WWOX: variants seen among roughly 807,000 people sequenced by gnomAD.
The protein encoded by WWOX is WW domain containing oxidoreductase, also known as WW domain-containing oxidoreductase.
A neutral mutation model predicts 46.2 loss-of-function variants in WWOX; 69 were observed. That is an observed-to-expected ratio of 1.49 (90% CI 1.23 to 1.82). The LOEUF (loss-of-function observed/expected upper bound fraction) is 1.82. Among genes scored for constraint, WWOX ranks in the 40% most tolerant of loss-of-function variants. WWOX has a pLI of 0.00. For synonymous variants in WWOX, 359 were observed against 202.6 expected (o/e 1.77, Z -6.56); for missense variants, 919 against 542.6 (o/e 1.69, Z -6.89).
intron 8 of WWOX, among the ~76,000 whole-genome samples, chr16:79,045,780 C>CTTTTTTTTTTTTTTTT (rs770463813): frequency 3.7e-5 from 2 of 54,232 alleles, no homozygotes; most frequent in African/African-American, 1.1e-4. Flanking sequence ...TTTTCTTTTC[C>CTTTTTTTTTTTTTTTT]TTTTTTTTTT....
chr16:78,923,063 C>A (rs2045416491), intron 8 of WWOX, among the ~76,000 whole-genome samples: 1 of 151,028 alleles, frequency 6.6e-6, no homozygotes, highest in Admixed American at 6.6e-5. Context: ...TCCACCTCAA[C>A]CTCTGCCTCT....
rs1177773069 is a variant in WWOX at position 78,487,572 on chromosome 16, G to A, written c.1056+54820G>A. On this transcript the variant is annotated intron_variant, in intron 8 of 8. Transcript: ENST00000566780. ...GCTTCCTCTGGTTCAGGGTGTTGAG[G>A]CTTCGTGCTGTTAATATTGGAAGGT... is the stretch of plus-strand genomic sequence containing the variant. 2.6e-5 allele frequency among the ~76,000 whole-genome samples: 4 copies of A among 152,114 alleles called. No individual in the cohort carries two copies. In the East Asian group the frequency reaches 5.8e-4, roughly 22 times the overall value.
At chr16:79,046,392 C>T (rs754895908) in intron 8 of WWOX, among the ~76,000 whole-genome samples, 4 of 152,152 alleles carry the variant, frequency 2.6e-5, no homozygotes, top group African/African-American at 4.8e-5. Flanking sequence ...GTTCAGGCTG[C>T]TGTGACAAAA....
At chr16:78,649,049 C>T (rs1217264404) in intron 8 of WWOX, among the ~76,000 whole-genome samples, 4 of 152,150 alleles carry the variant, frequency 2.6e-5, no homozygotes, top group African/African-American at 9.7e-5. Context: ...TCTTGGCTCA[C>T]TGCAAACTCC....
chr16:78,319,880 TG>T (rs1385550273), intron 5 of WWOX, among the ~76,000 whole-genome samples: 2 of 152,176 alleles, frequency 1.3e-5, no homozygotes, highest in Non-Finnish European at 2.9e-5. Flanking sequence ...CTTTTCTGCC[TG>T]GGAGGCACTT....
chr16:78,822,517 A>T (rs950401452), intron 8 of WWOX, among the ~76,000 whole-genome samples: 4 of 152,102 alleles, frequency 2.6e-5, no homozygotes, highest in African/African-American at 9.7e-5. Context: ...AAACAAAAAC[A>T]AACAAAAATC....
At chr16:78,377,402 T>C (rs2081855305) in intron 5 of WWOX, among the ~76,000 whole-genome samples, 1 of 152,210 alleles carries the variant, frequency 6.6e-6, no homozygotes, top group East Asian at 1.9e-4. Flanking sequence ...ATAATAAATA[T>C]TATGACAGAG....
chr16:78,285,321 C>T (rs1350012565), intron 5 of WWOX, among the ~76,000 whole-genome samples: 1 of 152,004 alleles, frequency 6.6e-6, no homozygotes, highest in Admixed American at 6.6e-5. Context: ...CACCTGTAGT[C>T]CTTTGGAGGA....
At chr16:78,691,697 G>C (rs994020931) in intron 8 of WWOX, among the ~76,000 whole-genome samples, 2 of 152,142 alleles carry the variant, frequency 1.3e-5, no homozygotes, top group African/African-American at 2.4e-5. Flanking sequence ...AACAGGACAA[G>C]ACCGTGTCTC....
chr16:78,800,518 G>A (rs1202445936), intron 8 of WWOX, among the ~76,000 whole-genome samples: 1 of 152,152 alleles, frequency 6.6e-6, no homozygotes, highest in East Asian at 1.9e-4. Flanking sequence ...AGGAACGGGG[G>A]TAAGCCTATA....
intron 8 of WWOX, among the ~76,000 whole-genome samples, chr16:78,803,188 C>A (rs932001242): frequency 6.6e-6 from 1 of 151,442 alleles, no homozygotes; most frequent in African/African-American, 2.4e-5. Context: ...GTTCTTAACA[C>A]AAACCACATA....
chr16:78,617,468 T>C (rs918093122), intron 8 of WWOX, among the ~76,000 whole-genome samples: 1 of 151,618 alleles, frequency 6.6e-6, no homozygotes, highest in Non-Finnish European at 1.5e-5. Flanking sequence ...TTCGTGAAAT[T>C]GATCGTTCAT....
intron 5 of WWOX, among the ~76,000 whole-genome samples, chr16:78,208,105 A>G (rs148067288): frequency 2.2e-4 from 33 of 152,302 alleles, no homozygotes; most frequent in African/African-American, 7.7e-4. Flanking sequence ...GAGCCTCTCC[A>G]TCTGGCCTCA....
intron 8 of WWOX, chr16:78,534,645 T>C (rs1434210305): frequency 6.6e-6 from 1 of 152,230 alleles, no homozygotes; most frequent in Non-Finnish European, 1.5e-5. Context: ...TTCTAAATAA[T>C]GACTTTCTTA....
At chr16:78,706,896 C>T (rs1195133709) in intron 8 of WWOX, among the ~76,000 whole-genome samples, 1 of 152,150 alleles carries the variant, frequency 6.6e-6, no homozygotes, top group African/African-American at 2.4e-5. Flanking sequence ...CTTCTGGGCC[C>T]AAGCAGTGTT....
At chr16:78,932,096 T>G (rs1308563214) in intron 8 of WWOX, among the ~76,000 whole-genome samples, 1 of 152,230 alleles carries the variant, frequency 6.6e-6, no homozygotes, top group Non-Finnish European at 1.5e-5. Context: ...TATAAATTAC[T>G]CAGTCTCAGG....
At chr16:78,708,921 A>G (rs1313940065) in intron 8 of WWOX, among the ~76,000 whole-genome samples, 1 of 152,242 alleles carries the variant, frequency 6.6e-6, no homozygotes, top group Non-Finnish European at 1.5e-5. Flanking sequence ...AGTCAGAAAA[A>G]TAAAAAGAAG....
At chr16:78,886,148 G>A (rs1252367864) in intron 8 of WWOX, among the ~76,000 whole-genome samples, 1 of 151,308 alleles carries the variant, frequency 6.6e-6, no homozygotes, top group African/African-American at 2.4e-5. Flanking sequence ...AGGTCTTGAA[G>A]TCCTGACCTT....
intron 8 of WWOX, among the ~76,000 whole-genome samples, chr16:78,678,056 A>G (rs1020449098): frequency 1.3e-5 from 2 of 151,980 alleles, no homozygotes; most frequent in African/African-American, 4.8e-5. Flanking sequence ...AGCAGACATC[A>G]TTTCTCTGTT....
Sources: gnomAD v4.1 joint callset for allele counts (sites outside exome capture counted in the v4.1 genomes callset) on GRCh38, gnomAD v4.1.1 for gene constraint, MANE v1.5 for transcripts, NCBI Gene and HGNC (gene_info 2026-07-23, HGNC 2026-07-21) for gene names.